The following MAST2 variants were observed in gnomAD, a reference collection of about 807,000 sequenced individuals.
MAST2 encodes the protein microtubule-associated serine/threonine-protein kinase 2.
Under a neutral mutation model 147.4 loss-of-function variants are expected in MAST2, and 70 were observed. That is an observed-to-expected ratio of 0.47 (90% CI 0.39 to 0.58). The LOEUF is 0.58. Among genes scored for constraint, MAST2 ranks in the 20% least tolerant of loss-of-function variants. The pLI is 0.00. For missense variants in MAST2, 2,080 were observed against 2,302.3 expected, an observed-to-expected ratio of 0.90 and a Z score of 1.98; for synonymous variants, 869 against 896.8, an observed-to-expected ratio of 0.97 and a Z score of 0.55.
At chr1:45,863,411 GCAGCAGATGGGAGAAGGAAT>G (rs1437151862) in intron 3 of MAST2, among the ~76,000 whole-genome samples, 1 of 152,176 alleles carries the variant, frequency 6.6e-6, no homozygotes, top group African/African-American at 2.4e-5. Context: ...GTTATTCAAA[GCAGCAGATGGGAGAAGGAAT>G]CCGTGGAAAT....
At chr1:45,804,135 G>A (rs1217523920) in intron 1 of MAST2, 63 bp downstream of exon 1, 2 of 1,270,172 alleles carry the variant, frequency 1.6e-6, no homozygotes, top group Middle Eastern at 3.1e-4. Flanking sequence ...GGGGATCTTC[G>A]GCGGGAGGAC....
Position 46,031,371 on chromosome 1 carries a change from C to T in MAST2, c.2993-20C>T, listed in dbSNP as rs779415192. 1 of 1,599,364 alleles carries T rather than the reference C, an allele frequency of 6.3e-7. No individual in the cohort carries two copies. The highest frequency in any genetic ancestry group is 2.2e-5 in the East Asian group (1 of 44,568). On this transcript the variant is annotated intron_variant, in intron 23 of 28. Coordinates refer to ENST00000361297, the MANE Select transcript of MAST2 (RefSeq NM_015112.3). This position sits in a 1 kb window ranked among gnomAD's most constrained non-coding sequence, Gnocchi z 4.1. ...AGGCTCAGCGGCATCGCGGGTCTCA[C>T]TGCTTACTTGGGCCTACAGCTATGG...
intron 4 of MAST2, among the ~76,000 whole-genome samples, chr1:45,915,113 G>T (rs1335554995): frequency 6.6e-6 from 1 of 152,082 alleles, no homozygotes; most frequent in Non-Finnish European, 1.5e-5. Context: ...TAATTTTTTT[G>T]TAGAAATAAG....
In MAST2 at chr1:45,919,970, G is replaced by A. The variant is rs551135355; in HGVS notation, c.500+37575G>A. ...TCCTTTAAACATTCTTGAGAATCTGGGATGCAGTTATTTAGAAATTGTTTG... is the reference window on the plus strand; with the variant it reads ...TCCTTTAAACATTCTTGAGAATCTGAGATGCAGTTATTTAGAAATTGTTTG... On this transcript the variant is annotated intron_variant, in intron 4 of 28. Coordinates refer to ENST00000361297, the MANE Select transcript of MAST2 (RefSeq NM_015112.3). Among the ~76,000 whole-genome samples the A allele has an allele frequency of 1.2e-3, 189 of 152,154 alleles. 2 individuals carry two copies. Among genetic ancestry groups the A allele is most frequent in the African/African-American group, 4.2e-3 (173 of 41,516 alleles).
intron 3 of MAST2, among the ~76,000 whole-genome samples, chr1:45,836,394 C>G (rs1645101456): frequency 6.6e-6 from 1 of 152,052 alleles, no homozygotes; most frequent in East Asian, 1.9e-4. Flanking sequence ...AAGGAAATAA[C>G]AAAACTCCAA....
At chr1:45,953,002 C>A (rs1168691111) in intron 4 of MAST2, among the ~76,000 whole-genome samples, 1 of 151,898 alleles carries the variant, frequency 6.6e-6, no homozygotes, top group African/African-American at 2.4e-5. Flanking sequence ...GTAAGATAGA[C>A]CTGAAATAAT....
At chr1:45,990,543 GAGTTCAGTGGTGC>G (rs1644817549) in intron 5 of MAST2, among the ~76,000 whole-genome samples, 1 of 152,094 alleles carries the variant, frequency 6.6e-6, no homozygotes, top group African/African-American at 2.4e-5. Flanking sequence ...ACCCAGGCTG[GAGTTCAGTGGTGC>G]AGTCACAGCC....
intron 1 of MAST2, among the ~76,000 whole-genome samples, chr1:45,806,436 G>C (rs1644144441): frequency 6.6e-6 from 1 of 152,168 alleles, no homozygotes; most frequent in Admixed American, 6.5e-5. Flanking sequence ...ATCTCACTCT[G>C]TCACCCACGC....
intron 3 of MAST2, among the ~76,000 whole-genome samples, chr1:45,861,874 G>T (rs1008258543): frequency 1.5e-4 from 23 of 152,078 alleles, no homozygotes; most frequent in African/African-American, 5.3e-4. Context: ...TCCTACAAAG[G>T]GTACCAGTTG....
chr1:46,014,120 A>G lies in MAST2; in HGVS notation c.1188+3181A>G, dbSNP rs929754286. On this transcript the variant is annotated intron_variant, in intron 10 of 28. Transcript: ENST00000361297. The stretch of plus-strand genomic sequence containing the variant: ...AGAATCTAAGATATTATTGGTAATT[A>G]TATCTTCGTTTTCATTGATTTTTAA... 2.0e-5 allele frequency among the ~76,000 whole-genome samples: 3 copies of G among 152,056 alleles called. No individual in the cohort carries two copies. In the South Asian group the frequency reaches 6.2e-4, roughly 32 times the overall value.
In MAST2 at chr1:45,870,761, A is replaced by T. The variant is rs572352828; in HGVS notation, c.469-11603A>T. Reference sequence around the variant, plus strand: ...ACATGGTGAGATGTCTGTACAAATTAAAAAAAAAAAAAATTTAAGTAGCCA... The same window carrying T: ...ACATGGTGAGATGTCTGTACAAATTTAAAAAAAAAAAAATTTAAGTAGCCA... On this transcript the variant is annotated intron_variant, in intron 3 of 28. Coordinates refer to ENST00000361297, the MANE Select transcript of MAST2 (RefSeq NM_015112.3). Among the ~76,000 whole-genome samples the T allele has an allele frequency of 7.8e-3, 1,121 of 143,390 alleles. 15 individuals are homozygous for T. Among genetic ancestry groups the T allele is most frequent in the South Asian group, 0.019 (85 of 4,550 alleles). The allele number at this position is 143,390 out of a possible 152,430, so 94.1% of individuals were successfully genotyped here. A position where few individuals can be genotyped will look rare whatever the true frequency, so the allele number is the denominator to read the frequency against.
intron 4 of MAST2, among the ~76,000 whole-genome samples, chr1:45,932,569 A>G (rs1002187491): frequency 5.3e-5 from 8 of 152,064 alleles, no homozygotes; most frequent in African/African-American, 1.9e-4. Flanking sequence ...GCTACATGGG[A>G]GGCTGAGGCA....
chr1:45,870,912 G>A (rs769585471), intron 3 of MAST2, among the ~76,000 whole-genome samples: 3 of 151,998 alleles, frequency 2.0e-5, no homozygotes, highest in Non-Finnish European at 4.4e-5. Context: ...CTGGGTGACA[G>A]CAAGACCGTG....
At position 46,023,806 on chromosome 1, in the gene MAST2, C is replaced by A; in HGVS notation, c.1606C>A (p.Gln536Lys). Residue 536 changes from glutamine to lysine, a missense_variant, in exon 15 of 29, where the codon CAG becomes AAG. This residue lies in a region of MAST2 where 569 missense variants were observed against 642.5 expected (regional missense o/e 0.89). Transcript: ENST00000361297. The surrounding 1 kb of genome is among the most constrained non-coding windows in gnomAD (Gnocchi z 4.9). ...VFLVRHKSTR[Q>K]RFAMKKINKQ... is the part of the protein sequence containing the mutation. ...TCTGGTGCGGCACAAGTCCACCCGGCAGCGCTTTGCCATGAAGAAGATCAA... is the reference window on the plus strand; with the variant it reads ...TCTGGTGCGGCACAAGTCCACCCGGAAGCGCTTTGCCATGAAGAAGATCAA... The A allele has an allele frequency of 1.9e-6, 3 of 1,614,094 alleles. No homozygotes were observed. The highest frequency in any genetic ancestry group is 2.5e-6 in the Non-Finnish European group (3 of 1,180,028).
intron 10 of MAST2, among the ~76,000 whole-genome samples, chr1:46,012,129 T>C (rs953071780): frequency 6.6e-6 from 1 of 152,242 alleles, no homozygotes; most frequent in Admixed American, 6.5e-5. Flanking sequence ...TAGCTGTTTG[T>C]TTCTGTTCAA....
At chr1:46,032,778 A>G (rs1466314131) in intron 26 of MAST2, 60 bp downstream of exon 26, 2 of 1,578,240 alleles carry the variant, frequency 1.3e-6, no homozygotes, top group Non-Finnish European at 1.7e-6. Flanking sequence ...TGAGTCTGTG[A>G]TGGCAGTTAG....
intron 1 of MAST2, 24 bp downstream of exon 1, chr1:45,804,096 G>C (rs1644067277): frequency 2.4e-6 from 3 of 1,276,550 alleles, no homozygotes; most frequent in Non-Finnish European, 3.0e-6. Flanking sequence ...GGATCCGGGA[G>C]GGTGAACCTG....
At chr1:45,836,329 A>G (rs974239322) in intron 3 of MAST2, among the ~76,000 whole-genome samples, 1 of 152,186 alleles carries the variant, frequency 6.6e-6, no homozygotes, top group African/African-American at 2.4e-5. Flanking sequence ...GATTAGTATT[A>G]TATTTTAATA....
intron 3 of MAST2, among the ~76,000 whole-genome samples, chr1:45,879,646 C>T (rs567465699): frequency 3.4e-5 from 5 of 146,922 alleles, no homozygotes; most frequent in Admixed American, 6.8e-5. Context: ...ATTTATAAAA[C>T]ACATATGACA....
Sources: allele counts gnomAD v4.1 joint callset (sites outside exome capture counted in the v4.1 genomes callset), GRCh38; gene constraint gnomAD v4.1.1; regional missense constraint gnomAD v4.1.1; non-coding constraint Gnocchi (gnomAD v3.1); transcripts MANE v1.5; gene names NCBI Gene and HGNC (gene_info 2026-07-23, HGNC 2026-07-21).